The following MICB variants were observed in gnomAD, a reference collection of about 807,000 sequenced individuals.
MICB encodes the protein MHC class I antigen-related protein B.
MICB carries 27 observed loss-of-function variants against 34.3 expected under a neutral mutation model. The observed-to-expected ratio is 0.79, with a 90% CI of 0.58 to 1.08. The LOEUF is 1.08. Among genes scored for constraint, MICB ranks in the 50% least tolerant of loss-of-function variants. The probability of loss-of-function intolerance (pLI) is 0.00; values close to 1 mark genes in which losing one functional copy is unlikely to be tolerated. For synonymous variants in MICB, 153 were observed against 187.4 expected (o/e 0.82, Z 1.50); for missense variants, 426 against 483.1 (o/e 0.88, Z 1.11).
At chr6:31,498,035 C>T (rs1450078787), upstream of MICB, 1 of 422,040 alleles carries the variant, frequency 2.4e-6, no homozygotes. Flanking sequence ...TGGCCCCGCC[C>T]TCTCCACTCA....
chr6:31,508,541 T>C (rs1229088815), intron 5 of MICB, among the ~76,000 whole-genome samples: 3 of 152,140 alleles, frequency 2.0e-5, no homozygotes, highest in Non-Finnish European at 1.5e-5. Context: ...GTTCGTCCCC[T>C]GCCCTGCAGC....
intron 1 of MICB, among the ~76,000 whole-genome samples, chr6:31,500,916 C>T (rs1312349439): frequency 6.6e-6 from 1 of 152,066 alleles, no homozygotes; most frequent in Non-Finnish European, 1.5e-5. Flanking sequence ...TTTAATATAC[C>T]GATTTCCTTT....
rs779844723 is a variant in MICB at position 31,498,169 on chromosome 6, C to T, written c.-25C>T. On this transcript the variant is annotated 5_prime_UTR_variant, in exon 1 of 6. Coordinates refer to ENST00000252229, the MANE Select transcript of MICB (RefSeq NM_005931.5). ...CATTCAGTTGGCCACTGCTGAGCAG[C>T]TGAGAAGGTGGCGACGTAGGGGCCA... is the stretch of plus-strand genomic sequence containing the variant. 9.6e-6 allele frequency: 15 copies of T among 1,569,218 alleles called. No homozygotes were observed. The highest frequency in any genetic ancestry group is 1.2e-5 in the Non-Finnish European group (14 of 1,154,520).
chr6:31,503,421 C>T (rs750053177), intron 1 of MICB, among the ~76,000 whole-genome samples: 7 of 152,124 alleles, frequency 4.6e-5, no homozygotes, highest in Non-Finnish European at 8.8e-5. Context: ...TTTTGTGCAA[C>T]CCAAAACTCT....
chr6:31,506,503 G>C (rs2242955), intron 3 of MICB, 73 bp downstream of exon 3: 1 of 1,510,820 alleles, frequency 6.6e-7, no homozygotes, highest in Non-Finnish European at 9.0e-7. Flanking sequence ...AGCTCTGTCC[G>C]GGGAAACCCT....
upstream of MICB, among the ~76,000 whole-genome samples, chr6:31,496,162 C>T (rs1764639833): frequency 6.6e-6 from 1 of 152,004 alleles, no homozygotes; most frequent in African/African-American, 2.4e-5. Context: ...CTAGATGTCC[C>T]AATGACTAAG....
rs778103307 is a variant in MICB, at chr6:31,498,200, C to G, written c.7C>G (p.Leu3Val). ...AGGTGGCGACGTAGGGGCCATGGGG[C>G]TGGGCCGGGTCCTGCTGTTTCTGGC... MGLGRVLLFLAVA... is the reference protein window; with the variant it reads MGVGRVLLFLAVA... Residue 3 changes from leucine (L) to valine (V), a missense_variant, in exon 1 of 6, where the codon CTG becomes GTG. Transcript: ENST00000252229. The G allele has an allele frequency of 6.3e-7, 1 of 1,583,602 alleles. No individual in the cohort carries two copies. Among genetic ancestry groups the G allele is most frequent in the South Asian group, 1.1e-5 (1 of 89,632 alleles).
At position 31,507,413 on chromosome 6, in the gene MICB, G is replaced by T; in HGVS notation, c.906G>T (p.Val302=). The T allele has an allele frequency of 6.2e-7, 1 of 1,614,150 alleles. No homozygotes were observed. The highest frequency in any genetic ancestry group is 1.1e-5 in the South Asian group (1 of 91,080). The part of the protein sequence containing the change: ...THPVPSGKAL[V]LQSQRTDFPY... ...CCTTTTTTTCAGGGAAGGCGCTGGTGCTTCAGAGTCAACGGACAGACTTTC... is the reference window on the plus strand; with the variant it reads ...CCTTTTTTTCAGGGAAGGCGCTGGTTCTTCAGAGTCAACGGACAGACTTTC... Residue 302 remains valine (V), a synonymous_variant, in exon 5 of 6, where the codon GTG becomes GTT. Coordinates refer to ENST00000252229, the MANE Select transcript of MICB (RefSeq NM_005931.5). The surrounding 1 kb of genome is among the most constrained non-coding windows in gnomAD (Gnocchi z 6.0).
chr6:31,498,821 T>TC (rs9281511), intron 1 of MICB: 107,480 of 165,572 alleles, frequency 0.65, 35,111 homozygotes, highest in East Asian at 0.73. Flanking sequence ...TTTTCTGGTC[T>TC]CTCCTGCACT....
At position 31,507,314 on chromosome 6, in the gene MICB, G is replaced by T. The variant is rs769499370; in HGVS notation, c.892+14G>T. On this transcript the variant is annotated intron_variant, in intron 4 of 5. Coordinates refer to ENST00000252229, the MANE Select transcript of MICB (RefSeq NM_005931.5). This position sits in a 1 kb window ranked among gnomAD's most constrained non-coding sequence, Gnocchi z 6.0. ...CTGTGCCCTCTGGTGAGCCTGGGGT[G>T]ACCCTGGAGAGGGTCAGGCCAGGGT... 3.1e-6 allele frequency: 5 copies of T among 1,612,366 alleles called. No individual in the cohort carries two copies. In the Admixed American group the frequency reaches 8.3e-5, roughly 27 times the overall value.
chr6:31,497,389 G>A (rs1157733195), upstream of MICB, among the ~76,000 whole-genome samples: 1 of 152,078 alleles, frequency 6.6e-6, no homozygotes, highest in East Asian at 1.9e-4. Flanking sequence ...AAGGGAGTCT[G>A]GAGAGAGCTT....
In MICB at chr6:31,506,420, C is replaced by A; in HGVS notation, c.603C>A (p.Ile201=). The A allele has an allele frequency of 6.2e-7, 1 of 1,613,906 alleles. No homozygotes were observed. The highest frequency in any genetic ancestry group is 8.5e-7 in the Non-Finnish European group (1 of 1,179,888). Residue 201 remains isoleucine (I), a synonymous_variant, in exon 3 of 6, where the codon ATC becomes ATA. Coordinates refer to ENST00000252229, the MANE Select transcript of MICB (RefSeq NM_005931.5). ...LQRYLKSGVA[I]RRTVPPMVNV... is the part of the protein sequence containing the mutation. ...GATATCTGAAATCCGGGGTGGCCAT[C>A]AGGAGAACAGGTACCGACCCTGGCC...
chr6:31,503,428 C>T (rs146431191), intron 1 of MICB, among the ~76,000 whole-genome samples: 3,091 of 152,234 alleles, frequency 0.02, 49 homozygotes, highest in South Asian at 0.044. Flanking sequence ...CAACCCAAAA[C>T]TCTGTACCCA....
At chr6:31,499,834 C>A (rs1265318436) in intron 1 of MICB, among the ~76,000 whole-genome samples, 1 of 152,156 alleles carries the variant, frequency 6.6e-6, no homozygotes, top group Admixed American at 6.5e-5. Flanking sequence ...CTATCTCTTG[C>A]CCAGCTGCCT....
At position 31,505,703 on chromosome 6, in the gene MICB, GGT is replaced by G; in HGVS notation, c.158_159del (p.Gly53AlafsTer7). ...SGFLAEGHLD[G>X]QPFLRYDRQK... ...GTTTCTCGCTGAGGGACATCTGGAT[GGT>G]CAGCCCTTCCTGCGCTATGACAGGC... On this transcript the variant is annotated frameshift_variant, in exon 2 of 6. Transcript: ENST00000252229. LOFTEE classifies it high-confidence loss of function. 1 of 1,613,088 alleles carries G rather than the reference GGT, an allele frequency of 6.2e-7. No homozygotes were observed. The highest frequency in any genetic ancestry group is 8.5e-7 in the Non-Finnish European group (1 of 1,180,036).
In MICB at chr6:31,510,096, A is replaced by C; in HGVS notation, c.*187A>C. The C allele has an allele frequency of 1.9e-6, 1 of 524,098 alleles. No homozygotes were observed. The highest frequency in any genetic ancestry group is 3.2e-6 in the Non-Finnish European group (1 of 316,992). 32.5% of individuals were successfully genotyped at this position (524,098 alleles called of 1,614,324 possible). ...GTAGAGAGCCAGCAAAGGGATCATG[A>C]CCAACTCAACATTCCATTGGAGGCT... On this transcript the variant is annotated 3_prime_UTR_variant, in exon 6 of 6. Coordinates refer to ENST00000252229, the MANE Select transcript of MICB (RefSeq NM_005931.5).
At chr6:31,496,976 A>G (rs1277789023), upstream of MICB, among the ~76,000 whole-genome samples, 3 of 152,142 alleles carry the variant, frequency 2.0e-5, no homozygotes, top group Non-Finnish European at 4.4e-5. Context: ...GGTGCCAGAC[A>G]ATAGATTGTG....
chr6:31,505,504 C>A, intron 1 of MICB, 113 bp from the exon 2 acceptor site: 1 of 1,455,458 alleles, frequency 6.9e-7, no homozygotes, highest in Non-Finnish European at 9.3e-7. Context: ...GTCCTTTTGC[C>A]CATGCGCATT....
chr6:31,504,438 T>C (rs140452036), intron 1 of MICB, among the ~76,000 whole-genome samples: 2,330 of 151,840 alleles, frequency 0.015, 52 homozygotes, highest in African/African-American at 0.053. Context: ...TTTTTGTATT[T>C]TTAGTAGAGA....
Sources: allele counts gnomAD v4.1 joint callset (sites outside exome capture counted in the v4.1 genomes callset), GRCh38; gene constraint gnomAD v4.1.1; non-coding constraint Gnocchi (gnomAD v3.1); transcripts MANE v1.5; gene names NCBI Gene and HGNC (gene_info 2026-07-23, HGNC 2026-07-21).